The following ELP2 variants were observed in gnomAD, a reference collection of about 807,000 sequenced individuals.
ELP2 encodes the protein elongator acetyltransferase complex subunit 2.
ELP2 carries 90 observed loss-of-function variants against 119.2 expected under a neutral mutation model. The observed-to-expected ratio is 0.75, with a 90% confidence interval of 0.64 to 0.90. ELP2 has a LOEUF of 0.90. ELP2 is among the 40% of genes least tolerant of loss of function. ELP2 has a pLI of 0.00. For missense variants in ELP2, 921 were observed against 967.8 expected, an observed-to-expected ratio of 0.95 and a Z score of 0.64; for synonymous variants, 339 against 331.0, an observed-to-expected ratio of 1.02 and a Z score of -0.26.
chr18:36,169,741 G>A (rs1055302334), intron 19 of ELP2, among the ~76,000 whole-genome samples: 1 of 152,080 alleles, frequency 6.6e-6, no homozygotes, highest in African/African-American at 2.4e-5. Context: ...GGAAGTGCAT[G>A]AGCCTACTGA....
Position 36,156,542 on chromosome 18 carries a change from A to T in ELP2, c.1352A>T (p.Gln451Leu), listed in dbSNP as rs766201651. 21 of 1,614,148 alleles carry T rather than the reference A, an allele frequency of 1.3e-5. 1 individual carries two copies. The South Asian group carries it at 2.2e-4, about 17-fold the overall frequency. Reference protein sequence around the residue: ...LKCLAMINRFQFVSGADEKVL... With the variant: ...LKCLAMINRFLFVSGADEKVL... Reference sequence around the variant, plus strand: ...TGTTTGGCAATGATTAATCGGTTTCAGTTTGTATCTGGAGCAGATGAAAAA... The same window carrying T: ...TGTTTGGCAATGATTAATCGGTTTCTGTTTGTATCTGGAGCAGATGAAAAA... The change falls in exon 13 of 22, where the codon CAG becomes CTG. Residue 451 changes from glutamine (Q) to leucine (L), a missense_variant. Physicochemically the swap from Gln to Leu is moderately radical, Grantham distance 113 (BLOSUM62 -2). Transcript: ENST00000358232.
chr18:36,168,511 C>T (rs1020087662), intron 19 of ELP2, among the ~76,000 whole-genome samples: 1 of 152,136 alleles, frequency 6.6e-6, no homozygotes, highest in African/African-American at 2.4e-5. Flanking sequence ...TCCTTCTTCA[C>T]GTGGTGGCAG....
intron 14 of ELP2, among the ~76,000 whole-genome samples, chr18:36,159,240 A>G (rs2090659837): frequency 6.6e-6 from 1 of 151,662 alleles, no homozygotes; most frequent in South Asian, 2.1e-4. Context: ...AGCCTCCCAA[A>G]TAGCTGGGAC....
In ELP2 at chr18:36,133,196, A is replaced by G. The variant is rs763483033; in HGVS notation, c.139-42A>G. 4.6e-6 allele frequency: 6 copies of G among 1,301,706 alleles called. No homozygotes were observed. In the South Asian group the frequency reaches 6.0e-5, roughly 13 times the overall value. The allele number at this position is 1,301,706 out of a possible 1,614,324, so 80.6% of individuals were successfully genotyped here. The stretch of plus-strand genomic sequence containing the variant: ...TTTACTTATTTATTAATTTTTCTGT[A>G]GGATAAATTCCAGTTTACTAACTGT... On this transcript the variant is annotated intron_variant, in intron 1 of 21. Coordinates refer to ENST00000358232, the MANE Select transcript of ELP2 (RefSeq NM_018255.4).
At position 36,168,926 on chromosome 18, in the gene ELP2, T is replaced by C. The variant is rs868682598; in HGVS notation, c.2077-1137T>C. 9.6e-4 allele frequency among the ~76,000 whole-genome samples: 129 copies of C among 134,678 alleles called. 3 individuals are homozygous for C. The South Asian group carries it at 0.01, about 10-fold the overall frequency. The allele number at this position is 134,678 out of a possible 152,430, so 88.4% of individuals were successfully genotyped here. A position where few individuals can be genotyped will look rare whatever the true frequency, so the allele number is the denominator to read the frequency against. On this transcript the variant is annotated intron_variant, in intron 19 of 21. Coordinates refer to ENST00000358232, the MANE Select transcript of ELP2 (RefSeq NM_018255.4). ...CTCTCTCCATTTCTTTTTTTTTTTT[T>C]TTTTTTTTTTTTTTTGAGATGGAGT...
At chr18:36,136,212 G>A (rs2089818396) in intron 2 of ELP2, 95 bp from the exon 3 acceptor site, 2 of 865,714 alleles carry the variant, frequency 2.3e-6, no homozygotes, top group Admixed American at 3.7e-5. Flanking sequence ...CTAGGTAGAG[G>A]GTACAGGGGT....
chr18:36,130,410 T>G (rs1343042597), intron 1 of ELP2, among the ~76,000 whole-genome samples: 1 of 152,252 alleles, frequency 6.6e-6, no homozygotes, highest in Non-Finnish European at 1.5e-5. Flanking sequence ...TTAAAACAAT[T>G]GAAATTTATA....
chr18:36,144,139 G>C (rs1005679008), intron 8 of ELP2, among the ~76,000 whole-genome samples: 1 of 152,084 alleles, frequency 6.6e-6, no homozygotes, highest in African/African-American at 2.4e-5. Flanking sequence ...GTCCATCAGA[G>C]TTGAGATTTT....
rs1347485473 is a variant in ELP2, at chr18:36,164,624, C to A, written c.1911C>A (p.Thr637=). ...TACTAGCTGTTTCCAGAGATCGAAC[C>A]TGGTCATTGTGGAAAAAGCAGGATA... The part of the protein sequence containing the change: ...KFLLAVSRDR[T]WSLWKKQDTI... Residue 637 remains threonine (T), a synonymous_variant, in exon 18 of 22, where the codon ACC becomes ACA. Transcript: ENST00000358232. The A allele has an allele frequency of 3.1e-6, 5 of 1,613,936 alleles. No homozygotes were observed. Among genetic ancestry groups the A allele is most frequent in the Non-Finnish European group, 3.4e-6 (4 of 1,179,990 alleles).
rs1415569136 is a variant in ELP2, at chr18:36,171,124, T to C, written c.2288T>C (p.Ile763Thr). The change falls in exon 21 of 22, where the codon ATA becomes ACA. Residue 763 changes from isoleucine (I) to threonine (T), a missense_variant. Physicochemically the swap from Ile to Thr is moderately conservative, Grantham distance 89 (BLOSUM62 -1). Coordinates refer to ENST00000358232, the MANE Select transcript of ELP2 (RefSeq NM_018255.4). ...AAAAAGACTGATCAAGTTCCAGAAA[T>C]AAATGACTGGACCCACTGTGTAGAA... ...TWKKTDQVPE[I>T]NDWTHCVETS... 2 of 1,614,006 alleles carry C rather than the reference T, an allele frequency of 1.2e-6. No individual in the cohort carries two copies. Among genetic ancestry groups the C allele is most frequent in the South Asian group, 2.2e-5 (2 of 91,088 alleles).
intron 1 of ELP2, among the ~76,000 whole-genome samples, chr18:36,132,460 T>C (rs1277069964): frequency 1.3e-5 from 2 of 152,218 alleles, no homozygotes; most frequent in East Asian, 3.8e-4. Context: ...CCTCTTCCTT[T>C]TTCTTAGCCA....
chr18:36,150,516 A>G (rs1190573600), intron 11 of ELP2, among the ~76,000 whole-genome samples: 3 of 152,186 alleles, frequency 2.0e-5, no homozygotes, highest in Non-Finnish European at 4.4e-5. Flanking sequence ...ATAGCAAGAC[A>G]GTAAATGCCC....
At chr18:36,144,004 G>A (rs1274559356) in intron 8 of ELP2, among the ~76,000 whole-genome samples, 1 of 152,148 alleles carries the variant, frequency 6.6e-6, no homozygotes, top group Non-Finnish European at 1.5e-5. Flanking sequence ...ATCCCTGGAT[G>A]GTAGATCCTG....
chr18:36,160,004 A>T lies in ELP2; in HGVS notation c.1677A>T (p.Glu559Asp). The T allele has an allele frequency of 1.2e-6, 2 of 1,613,960 alleles. No homozygotes were observed. Among genetic ancestry groups the T allele is most frequent in the Non-Finnish European group, 1.7e-6 (2 of 1,179,982 alleles). The change falls in exon 16 of 22, where the codon GAA (glutamate) becomes GAT (aspartate). Residue 559 changes from glutamate to aspartate, a missense_variant. Transcript: ENST00000358232. ...DHLLQNTLWP[E>D]VQKLYGHGYE... is the part of the protein sequence containing the mutation. ...TTCTGCAGAATACTTTGTGGCCTGA[A>T]GTTCAAAAACTGTAAGTTAAACTGT... is the stretch of plus-strand genomic sequence containing the variant.
At chr18:36,141,549 T>A (rs1273440303) in intron 6 of ELP2, 3 of 256,294 alleles carry the variant, frequency 1.2e-5, no homozygotes, top group African/African-American at 4.4e-5. Flanking sequence ...TTCTGAGCTT[T>A]ACTTAGATTT....
In ELP2 at chr18:36,178,958, T is replaced by C. The variant is rs2091279809; in HGVS notation, c.*4317T>C. ...TGTTTAGAAAGAATGAGCATATCCA[T>C]AAGTTAAATACAAAAATTGTTACAT... is the stretch of plus-strand genomic sequence containing the variant. On this transcript the variant is annotated 3_prime_UTR_variant, in exon 22 of 22. Transcript: ENST00000358232. 6.6e-6 allele frequency: 1 copy of C among 152,204 alleles called. No individual in the cohort carries two copies. Among genetic ancestry groups the C allele is most frequent in the African/African-American group, 2.4e-5 (1 of 41,446 alleles). 9.4% of individuals were successfully genotyped at this position (152,204 alleles called of 1,614,324 possible).
intron 10 of ELP2, 46 bp from the exon 11 acceptor site, chr18:36,146,204 A>G (rs1156495633): frequency 1.2e-6 from 2 of 1,612,368 alleles, no homozygotes; most frequent in Non-Finnish European, 1.7e-6. Flanking sequence ...GTTGTGAGAA[A>G]CATAGACTAT....
At chr18:36,168,522 G>A (rs2090972384) in intron 19 of ELP2, among the ~76,000 whole-genome samples, 1 of 152,182 alleles carries the variant, frequency 6.6e-6, no homozygotes. Flanking sequence ...GTGGTGGCAG[G>A]AGAAAGAAGT....
At position 36,145,136 on chromosome 18, in the gene ELP2, C is replaced by T. The variant is rs2090157889; in HGVS notation, c.892+102C>T. 3 of 869,952 alleles carry T rather than the reference C, an allele frequency of 3.4e-6. No homozygotes were observed. In the South Asian group the frequency reaches 4.0e-5, roughly 12 times the overall value. The allele number at this position is 869,952 out of a possible 1,614,324, so 53.9% of individuals were successfully genotyped here. On this transcript the variant is annotated intron_variant, in intron 9 of 21. Coordinates refer to ENST00000358232, the MANE Select transcript of ELP2 (RefSeq NM_018255.4). ...GAATTTTTTTACTGTGATTAGAAAT[C>T]TCAAATACATGACATTTTCAAGTTG...
Sources: allele counts gnomAD v4.1 joint callset (sites outside exome capture counted in the v4.1 genomes callset), GRCh38; gene constraint gnomAD v4.1.1; transcripts MANE v1.5; gene names NCBI Gene and HGNC (gene_info 2026-07-23, HGNC 2026-07-21).